Variants in SMOC2 observed in about 807,000 individuals in gnomAD.
The protein encoded by SMOC2 is SPARC-related modular calcium-binding protein 2.
SMOC2 carries 39 observed loss-of-function variants against 61.4 expected under a neutral mutation model. The ratio of observed to expected loss-of-function variants is 0.64; its 90% CI spans 0.49 to 0.83. The LOEUF is 0.83. SMOC2 is among the 40% of genes least tolerant of loss of function. SMOC2 has a pLI of 0.00. For synonymous variants in SMOC2, 247 were observed against 239.9 expected, an observed-to-expected ratio of 1.03 and a Z score of -0.27; for missense variants, 556 against 592.9, an observed-to-expected ratio of 0.94 and a Z score of 0.65.
chr6:168,493,194 G>GCCT (rs1782509525), intron 1 of SMOC2, among the ~76,000 whole-genome samples: 1 of 151,952 alleles, frequency 6.6e-6, no homozygotes, highest in Non-Finnish European at 1.5e-5. Flanking sequence ...ACGCCACTAC[G>GCCT]CCTGCCTAAT....
intron 1 of SMOC2, among the ~76,000 whole-genome samples, chr6:168,495,435 G>A (rs923393568): frequency 4.6e-5 from 7 of 152,182 alleles, no homozygotes; most frequent in Non-Finnish European, 8.8e-5. Context: ...TTTTCCTTGG[G>A]AACCTGAGTT....
chr6:168,554,497 T>C (rs1458901511), intron 7 of SMOC2, among the ~76,000 whole-genome samples: 1 of 152,110 alleles, frequency 6.6e-6, no homozygotes, highest in Non-Finnish European at 1.5e-5. Context: ...CCTGGGCTCC[T>C]GGGCAGCCTG....
At chr6:168,512,108 C>G (rs1043965774) in intron 2 of SMOC2, among the ~76,000 whole-genome samples, 1 of 152,094 alleles carries the variant, frequency 6.6e-6, no homozygotes, top group African/African-American at 2.4e-5. Context: ...GACCCCAGGA[C>G]AGAAGCCCAC....
intron 7 of SMOC2, among the ~76,000 whole-genome samples, chr6:168,582,514 C>A (rs1464602298): frequency 1.3e-5 from 2 of 152,152 alleles, no homozygotes; most frequent in Non-Finnish European, 2.9e-5. Flanking sequence ...AGTGGCAGTG[C>A]CCGAAATGCA....
chr6:168,583,629 C>T (rs765328822), intron 7 of SMOC2, among the ~76,000 whole-genome samples: 6 of 152,152 alleles, frequency 3.9e-5, no homozygotes, highest in East Asian at 1.9e-4. Flanking sequence ...CAGAGGCACA[C>T]GAAAGCCGGG....
intron 2 of SMOC2, among the ~76,000 whole-genome samples, chr6:168,520,878 A>G (rs1015573550): frequency 6.6e-6 from 1 of 152,240 alleles, no homozygotes; most frequent in Non-Finnish European, 1.5e-5. Flanking sequence ...TCACCTGTGA[A>G]GATCACTGTT....
chr6:168,655,495 G>A (rs971188803), intron 11 of SMOC2: 1 of 450,976 alleles, frequency 2.2e-6, no homozygotes, highest in Non-Finnish European at 4.5e-6. Context: ...AGCACTGTGA[G>A]ATGCGTGCAT....
At chr6:168,541,408 C>G (rs1320128623) in intron 4 of SMOC2, among the ~76,000 whole-genome samples, 1 of 152,206 alleles carries the variant, frequency 6.6e-6, no homozygotes, top group Admixed American at 6.5e-5. Context: ...TCTGCAAGTA[C>G]AGCCGGCAAT....
rs930858782 is a variant in SMOC2 at position 168,553,736 on chromosome 6, A to T, written c.637+4533A>T. Reference sequence around the variant, plus strand: ...CTATCTCTGGGGCGAGGAGGCATCCAGGCTCACGGGACGGTTTCTGTATCA... The same window carrying T: ...CTATCTCTGGGGCGAGGAGGCATCCTGGCTCACGGGACGGTTTCTGTATCA... On this transcript the variant is annotated intron_variant, in intron 7 of 12. Coordinates refer to ENST00000356284, the MANE Select transcript of SMOC2 (RefSeq NM_001166412.2). The surrounding 1 kb of genome is among the most constrained non-coding windows in gnomAD (Gnocchi z 4.2). Among the ~76,000 whole-genome samples the T allele has an allele frequency of 1.3e-5, 2 of 152,242 alleles. No individual in the cohort carries two copies. Among genetic ancestry groups the T allele is most frequent in the African/African-American group, 4.8e-5 (2 of 41,466 alleles).
intron 9 of SMOC2, among the ~76,000 whole-genome samples, chr6:168,647,187 A>G (rs1787055865): frequency 6.6e-6 from 1 of 152,170 alleles, no homozygotes. Flanking sequence ...CTGTCCCAAA[A>G]TAAAGGGTGA....
chr6:168,551,677 C>G (rs1784133929), intron 7 of SMOC2, among the ~76,000 whole-genome samples: 1 of 152,166 alleles, frequency 6.6e-6, no homozygotes, highest in African/African-American at 2.4e-5. Context: ...TTGTCTCAAA[C>G]TCCTGACCTC....
rs560424748 is a variant in SMOC2, at chr6:168,455,431, G to A, written c.84+13977G>A. Among the ~76,000 whole-genome samples, 5 of 152,284 alleles carry A rather than the reference G, an allele frequency of 3.3e-5. No individual in the cohort carries two copies. In the East Asian group the frequency reaches 5.8e-4, roughly 18 times the overall value. On this transcript the variant is annotated intron_variant, in intron 1 of 12. Coordinates refer to ENST00000356284, the MANE Select transcript of SMOC2 (RefSeq NM_001166412.2). ...CGCTGGCTCGGCAGCCACCAAGCCCGGGCTGGCCTGGCAGCTGGCTGTGGT... is the reference window on the plus strand; with the variant it reads ...CGCTGGCTCGGCAGCCACCAAGCCCAGGCTGGCCTGGCAGCTGGCTGTGGT...
At chr6:168,631,136 G>C (rs1270586492) in intron 9 of SMOC2, among the ~76,000 whole-genome samples, 1 of 152,110 alleles carries the variant, frequency 6.6e-6, no homozygotes, top group Non-Finnish European at 1.5e-5. Flanking sequence ...TGGTTTTTGT[G>C]GCTTGTGGGG....
chr6:168,461,845 T>G (rs914018347), intron 1 of SMOC2, among the ~76,000 whole-genome samples: 1 of 152,116 alleles, frequency 6.6e-6, no homozygotes, highest in Admixed American at 6.5e-5. Context: ...TCCTATGAAT[T>G]TTTTTTTCAG....
intron 7 of SMOC2, among the ~76,000 whole-genome samples, chr6:168,597,169 T>C (rs931334628): frequency 1.3e-5 from 2 of 152,230 alleles, no homozygotes; most frequent in Non-Finnish European, 2.9e-5. Flanking sequence ...AAAGGTAACA[T>C]TTGTTTTTAC....
At chr6:168,632,515 C>T (rs1349040258) in intron 9 of SMOC2, among the ~76,000 whole-genome samples, 4 of 152,136 alleles carry the variant, frequency 2.6e-5, no homozygotes, top group African/African-American at 9.7e-5. Context: ...CAGTGATTAC[C>T]TGATTGTTGA....
intron 2 of SMOC2, among the ~76,000 whole-genome samples, chr6:168,525,073 C>T (rs1783422669): frequency 6.6e-6 from 1 of 152,254 alleles, no homozygotes; most frequent in Non-Finnish European, 1.5e-5. Flanking sequence ...CCTTTGTGCT[C>T]TCTCAAGATG....
rs113396643 is a variant in SMOC2, at chr6:168,638,643, C to T, written c.908-12038C>T. ...CATCAGGAGGGACAGCCGGAATTCC[C>T]GCGGAGTGGAGTCTTGCTCCCAGCC... On this transcript the variant is annotated intron_variant, in intron 9 of 12. Transcript: ENST00000356284. Among the ~76,000 whole-genome samples, 1,374 of 152,206 alleles carry T rather than the reference C, an allele frequency of 9.0e-3. 18 individuals carry two copies. The highest frequency in any genetic ancestry group is 0.032 in the African/African-American group (1,310 of 41,526).
At chr6:168,505,002 C>T (rs377351875) in intron 1 of SMOC2, among the ~76,000 whole-genome samples, 2 of 152,242 alleles carry the variant, frequency 1.3e-5, no homozygotes, top group East Asian at 1.9e-4. Context: ...CCATCAGATG[C>T]GAGATGAATG....
Sources: gnomAD v4.1 joint callset for allele counts (sites outside exome capture counted in the v4.1 genomes callset) on GRCh38, gnomAD v4.1.1 for gene constraint, Gnocchi (gnomAD v3.1) non-coding constraint, MANE v1.5 for transcripts, NCBI Gene and HGNC (gene_info 2026-07-23, HGNC 2026-07-21) for gene names.